The following CYP4X1 variants were observed in gnomAD, a reference collection of about 807,000 sequenced individuals.
CYP4X1 encodes the protein cytochrome P450 4X1.
A neutral mutation model predicts 57.9 loss-of-function variants in CYP4X1; 44 were observed. The ratio of observed to expected loss-of-function variants is 0.76; its 90% CI spans 0.60 to 0.98. The LOEUF is 0.98. Ranked by LOEUF, CYP4X1 falls within the 50% of genes least tolerant of loss-of-function variation. The pLI, the probability that CYP4X1 is intolerant of heterozygous loss-of-function variation, is 0.00. For missense variants in CYP4X1, 532 were observed against 623.9 expected (o/e 0.85, Z 1.57); for synonymous variants, 227 against 228.6 (o/e 0.99, Z 0.06).
rs534856381 is a variant in CYP4X1, at chr1:47,050,420, C to T, written c.*246C>T. 2 of 315,196 alleles carry T rather than the reference C, an allele frequency of 6.3e-6. No individual in the cohort carries two copies. The highest frequency in any genetic ancestry group is 5.8e-5 in the East Asian group (1 of 17,110). 19.5% of individuals were successfully genotyped at this position (315,196 alleles called of 1,614,324 possible). A position where few individuals can be genotyped will look rare whatever the true frequency, so the allele number is the denominator to read the frequency against. ...CTTTCACTACTATTAATGCTGTATA[C>T]ACCAATAGACTTTCATATATTTTCT... On this transcript the variant is annotated 3_prime_UTR_variant, in exon 12 of 12. Transcript: ENST00000371901.
At chr1:47,024,062 C>G in intron 1 of CYP4X1, 68 bp downstream of exon 1, 1 of 1,516,400 alleles carries the variant, frequency 6.6e-7, no homozygotes, top group Non-Finnish European at 8.9e-7. Context: ...AGGAGCCCAG[C>G]CGGCAGAGAG....
At chr1:47,046,370 T>C (rs1442346948) in intron 8 of CYP4X1, 97 bp from the exon 9 acceptor site, 1 of 1,538,600 alleles carries the variant, frequency 6.5e-7, no homozygotes, top group Non-Finnish European at 8.8e-7. Context: ...CAAAATGGCT[T>C]TAACCTGAGG....
chr1:47,042,249 G>A (rs902051173), intron 8 of CYP4X1, among the ~76,000 whole-genome samples: 2 of 148,470 alleles, frequency 1.3e-5, no homozygotes, highest in African/African-American at 4.9e-5. Context: ...AATTGCTTTG[G>A]CTATTTGAGT....
At chr1:46,983,412 A>G in the CYP4X1 span, among the ~76,000 whole-genome samples, 1 of 152,176 alleles carries the variant, frequency 6.6e-6, no homozygotes, top group Non-Finnish European at 1.5e-5. Flanking sequence ...TTGCCAGCAA[A>G]ATGATCAGGG....
chr1:47,042,644 G>A (rs1470136880), intron 8 of CYP4X1, among the ~76,000 whole-genome samples: 8 of 151,980 alleles, frequency 5.3e-5, no homozygotes, highest in African/African-American at 1.9e-4. Flanking sequence ...AAAGTCCATT[G>A]TATCATTCTT....
At chr1:46,985,527 C>T in the CYP4X1 span, among the ~76,000 whole-genome samples, 2 of 152,210 alleles carry the variant, frequency 1.3e-5, no homozygotes, top group Non-Finnish European at 2.9e-5. Context: ...AAGGGTTAGA[C>T]TGCCTCCTCA....
At chr1:46,982,519 G>A in the CYP4X1 span, among the ~76,000 whole-genome samples, 4 of 152,184 alleles carry the variant, frequency 2.6e-5, no homozygotes, top group African/African-American at 9.6e-5. Flanking sequence ...TAACTGTGGA[G>A]TAGTGTAGTC....
the CYP4X1 span, among the ~76,000 whole-genome samples, chr1:46,965,946 A>G: frequency 6.6e-6 from 1 of 152,182 alleles, no homozygotes; most frequent in Non-Finnish European, 1.5e-5. Flanking sequence ...AGTGAGAAGG[A>G]ATGGATCAGG....
At chr1:47,024,710 G>A (rs1382262456) in intron 1 of CYP4X1, among the ~76,000 whole-genome samples, 1 of 152,128 alleles carries the variant, frequency 6.6e-6, no homozygotes, top group Non-Finnish European at 1.5e-5. Context: ...TAAGGCAATG[G>A]GTGCTTTACT....
chr1:47,048,294 A>T (rs1478291491), intron 9 of CYP4X1, among the ~76,000 whole-genome samples: 3 of 152,214 alleles, frequency 2.0e-5, no homozygotes, highest in Non-Finnish European at 4.4e-5. Context: ...CAAACATAGC[A>T]GAAAATATAA....
chr1:47,039,937 C>T (rs889138389), intron 8 of CYP4X1, among the ~76,000 whole-genome samples: 2 of 152,116 alleles, frequency 1.3e-5, no homozygotes, highest in African/African-American at 4.8e-5. Context: ...TTTTAGACAT[C>T]TCCCAGCCGC....
At chr1:47,036,197 C>A (rs1309786466) in intron 6 of CYP4X1, 26 bp downstream of exon 6, 1 of 1,587,590 alleles carries the variant, frequency 6.3e-7, no homozygotes, top group East Asian at 2.3e-5. Flanking sequence ...GGGTTGCCCA[C>A]GTCCATACGC....
chr1:47,013,937 G>A, the CYP4X1 span, among the ~76,000 whole-genome samples: 1 of 151,666 alleles, frequency 6.6e-6, no homozygotes, highest in Non-Finnish European at 1.5e-5. Flanking sequence ...ACCATGTCTG[G>A]CTAATTTTTT....
At chr1:47,024,061 G>GAT in intron 1 of CYP4X1, 67 bp downstream of exon 1, 1 of 1,521,160 alleles carries the variant, frequency 6.6e-7, no homozygotes, top group Non-Finnish European at 8.8e-7. Context: ...GAGGAGCCCA[G>GAT]CCGGCAGAGA....
chr1:47,024,514 CTG>C (rs1488181082), intron 1 of CYP4X1, among the ~76,000 whole-genome samples: 3 of 152,108 alleles, frequency 2.0e-5, no homozygotes, highest in African/African-American at 2.4e-5. Flanking sequence ...TAAAGGGAGA[CTG>C]TTAGCTTTTG....
chr1:46,964,297 T>C, the CYP4X1 span, among the ~76,000 whole-genome samples: 2 of 152,212 alleles, frequency 1.3e-5, no homozygotes, highest in Non-Finnish European at 1.5e-5. Flanking sequence ...GCTGCGTTCC[T>C]TTGGAGGAAG....
chr1:47,039,520 C>G lies in CYP4X1; in HGVS notation c.1061C>G (p.Ser354Cys). The change falls in exon 8 of 12, where the codon TCT becomes TGT. Residue 354 changes from serine to cysteine, a missense_variant. Physicochemically the swap from Ser to Cys is moderately radical, Grantham distance 112 (BLOSUM62 -1). Coordinates refer to ENST00000371901, the MANE Select transcript of CYP4X1 (RefSeq NM_178033.2). ...EEVRGILGDG[S>C]SITWDQLGEM... ...GTCAGGGGCATCCTGGGGGATGGGT[C>G]TTCTATCACTTGGTAAGATCTGCAC... 3.7e-6 allele frequency: 6 copies of G among 1,603,978 alleles called. No homozygotes were observed. The highest frequency in any genetic ancestry group is 5.1e-6 in the Non-Finnish European group (6 of 1,176,864).
At chr1:46,981,650 A>G in the CYP4X1 span, among the ~76,000 whole-genome samples, 2 of 152,240 alleles carry the variant, frequency 1.3e-5, no homozygotes, top group Admixed American at 1.3e-4. Context: ...CCAAAGGATT[A>G]TAAATCATGC....
At chr1:47,039,211 T>G in intron 7 of CYP4X1, 131 bp from the exon 8 acceptor site, 1 of 793,672 alleles carries the variant, frequency 1.3e-6, no homozygotes, top group South Asian at 2.1e-5. Context: ...ACCACATATT[T>G]GTTGAACTGA....
Sources: gnomAD v4.1 joint callset for allele counts (sites outside exome capture counted in the v4.1 genomes callset) on GRCh38, gnomAD v4.1.1 for gene constraint, MANE v1.5 for transcripts, NCBI Gene and HGNC (gene_info 2026-07-23, HGNC 2026-07-21) for gene names.